CHM: variants seen among roughly 807,000 people sequenced by gnomAD.
CHM encodes the protein rab proteins geranylgeranyltransferase component A 1.
Under a neutral mutation model 49.0 loss-of-function variants are expected in CHM, and 10 were observed. The ratio of observed to expected loss-of-function variants is 0.20; its 90% CI spans 0.13 to 0.35. The LOEUF is 0.35. Ranked by LOEUF, CHM falls within the 10% of genes least tolerant of loss-of-function variation. The pLI, the probability that CHM is intolerant of heterozygous loss-of-function variation, is 1.00. For missense variants in CHM, 455 were observed against 478.4 expected (o/e 0.95, Z 0.46); for synonymous variants, 184 against 167.5 (o/e 1.10, Z -0.76).
chrX:86,019,050 CAG>C (rs1569253666), intron 2 of CHM, among the ~76,000 whole-genome samples: 1 of 111,531 alleles, frequency 9.0e-6, no homozygotes, highest in African/African-American at 3.3e-5. Context: ...TAAAAGGTAA[CAG>C]TAGCTGCTTC....
At chrX:86,034,653 G>A (rs919652665) in intron 1 of CHM, among the ~76,000 whole-genome samples, 5 of 111,064 alleles carry the variant, frequency 4.5e-5, no homozygotes, top group Admixed American at 2.9e-4. Context: ...GGTGGCAGGC[G>A]CCTGTAATCC....
intron 8 of CHM, among the ~76,000 whole-genome samples, chrX:85,936,034 T>C (rs1468365866): frequency 8.9e-6 from 1 of 111,959 alleles, no homozygotes; most frequent in Non-Finnish European, 1.9e-5. Context: ...CTACCAAAGT[T>C]CTAGGCAATT....
At chrX:85,923,555 A>T (rs185613064) in intron 8 of CHM, among the ~76,000 whole-genome samples, 3 of 112,254 alleles carry the variant, frequency 2.7e-5, no homozygotes, top group Non-Finnish European at 5.6e-5. Context: ...ACAAGCAACA[A>T]CATTTATACT....
intron 2 of CHM, among the ~76,000 whole-genome samples, chrX:86,016,146 T>TA (rs756606512): frequency 4.6e-5 from 5 of 108,461 alleles, no homozygotes; most frequent in South Asian, 4.0e-4. Flanking sequence ...AAATAAAAAT[T>TA]AAAAAAAAGG....
Position 85,977,304 on chromosome X carries a change from G to T in CHM, c.314+1463C>A, listed in dbSNP as rs1056552375. On this transcript the variant is annotated intron_variant, in intron 4 of 14. Coordinates refer to ENST00000357749, the MANE Select transcript of CHM (RefSeq NM_000390.4). Reference sequence around the variant, plus strand: ...TATCCCAGTTCACTTTATGCTCCACGCTCTAACTGGCAAGAGGAACATATA... The same window carrying T: ...TATCCCAGTTCACTTTATGCTCCACTCTCTAACTGGCAAGAGGAACATATA... Among the ~76,000 whole-genome samples the T allele has an allele frequency of 4.5e-5, 5 of 112,191 alleles. No homozygotes were observed. In the East Asian group the frequency reaches 1.4e-3, roughly 31 times the overall value.
chrX:86,005,867 T>A (rs1366263314), intron 2 of CHM, among the ~76,000 whole-genome samples: 1 of 111,960 alleles, frequency 8.9e-6, no homozygotes, highest in Non-Finnish European at 1.9e-5. Flanking sequence ...CTTCTGAAAC[T>A]ATTCCAATCA....
chrX:85,995,325 T>G (rs768126544), intron 2 of CHM, among the ~76,000 whole-genome samples: 126 of 106,467 alleles, frequency 1.2e-3, no homozygotes, highest in African/African-American at 4.3e-3. Context: ...TATCAGGCCT[T>G]GGCAGCCACA....
intron 5 of CHM, among the ~76,000 whole-genome samples, chrX:85,963,084 T>G (rs1334597714): frequency 9.0e-6 from 1 of 111,325 alleles, no homozygotes; most frequent in Non-Finnish European, 1.9e-5. Flanking sequence ...CACGCCATGG[T>G]GTTTTGCTGC....
chrX:86,038,497 G>T (rs1008494782), intron 1 of CHM, among the ~76,000 whole-genome samples: 1 of 111,733 alleles, frequency 8.9e-6, no homozygotes, highest in Non-Finnish European at 1.9e-5. Flanking sequence ...TGCCCCTACC[G>T]CCTGGGGCAC....
intron 4 of CHM, among the ~76,000 whole-genome samples, chrX:85,974,918 G>T (rs1460672650): frequency 1.8e-5 from 2 of 110,807 alleles, no homozygotes; most frequent in Non-Finnish European, 3.8e-5. Context: ...TAGAGTCATG[G>T]GGAAAATATT....
intron 12 of CHM, 76 bp from the exon 13 acceptor site, chrX:85,879,139 T>A (rs776195705): frequency 1.4e-6 from 1 of 714,241 alleles, no homozygotes; most frequent in Non-Finnish European, 2.1e-6. Context: ...TAAGCTGGTA[T>A]TATGGATAAT....
intron 8 of CHM, among the ~76,000 whole-genome samples, chrX:85,912,462 TGATTGA>T (rs1196841712): frequency 9.0e-6 from 1 of 111,662 alleles, no homozygotes; most frequent in African/African-American, 3.3e-5. Context: ...TATAACTATC[TGATTGA>T]GATTATAAAA....
intron 4 of CHM, among the ~76,000 whole-genome samples, chrX:85,975,867 C>T (rs143023587): frequency 0.014 from 1,556 of 111,631 alleles, 37 homozygotes; most frequent in African/African-American, 0.049. Flanking sequence ...CAAAAAGCAA[C>T]GACAAAAAGC....
Position 85,957,783 on chromosome X carries a change from A to C in CHM, c.940+72T>G. On this transcript the variant is annotated intron_variant, in intron 7 of 14. Coordinates refer to ENST00000357749, the MANE Select transcript of CHM (RefSeq NM_000390.4). ...TAAAACAGTAATAAGTGGCTCACTA[A>C]ATCAGAGCAAGCATATTAAAATAGT... The C allele has an allele frequency of 3.5e-6, 4 of 1,154,898 alleles. No homozygotes were observed. In the Middle Eastern group the frequency reaches 1.0e-3, roughly 303 times the overall value.
intron 2 of CHM, among the ~76,000 whole-genome samples, chrX:86,018,193 AAAAC>A (rs1282591809): frequency 8.9e-6 from 1 of 112,674 alleles, no homozygotes; most frequent in African/African-American, 3.2e-5. Flanking sequence ...ACCCAACAGT[AAAAC>A]AAACAATCCA....
intron 8 of CHM, among the ~76,000 whole-genome samples, chrX:85,936,423 T>C (rs1321190222): frequency 9.0e-6 from 1 of 111,433 alleles, no homozygotes; most frequent in Non-Finnish European, 1.9e-5. Flanking sequence ...AGGTAGGAGG[T>C]AAGACTAGAT....
At chrX:85,928,076 C>A (rs1928195215) in intron 8 of CHM, among the ~76,000 whole-genome samples, 1 of 111,918 alleles carries the variant, frequency 8.9e-6, no homozygotes, top group Non-Finnish European at 1.9e-5. Flanking sequence ...AACTAGTTTT[C>A]TTTAATTAAA....
intron 8 of CHM, among the ~76,000 whole-genome samples, chrX:85,929,590 A>T (rs1928301273): frequency 8.9e-6 from 1 of 112,332 alleles, no homozygotes; most frequent in African/African-American, 3.2e-5. Context: ...GGATCAATAC[A>T]TTCAGTATAT....
intron 14 of CHM, among the ~76,000 whole-genome samples, chrX:85,869,194 C>G (rs573871487): frequency 8.9e-6 from 1 of 111,734 alleles, no homozygotes. Flanking sequence ...TGTTTACATG[C>G]TTTTCTCCTT....
Sources: allele counts gnomAD v4.1 joint callset (sites outside exome capture counted in the v4.1 genomes callset), GRCh38; gene constraint gnomAD v4.1.1; transcripts MANE v1.5; gene names NCBI Gene and HGNC (gene_info 2026-07-23, HGNC 2026-07-21).